MAFF: variants seen among roughly 807,000 people sequenced by gnomAD.
MAFF encodes transcription factor MafF.
MAFF carries 4 observed loss-of-function variants against 2.7 expected under a neutral mutation model. That is an observed-to-expected ratio of 1.48 (90% CI 0.73 to 3.39). The LOEUF (loss-of-function observed/expected upper bound fraction) is 3.39. MAFF is among the 30% of genes most tolerant of loss of function. MAFF has a pLI of 0.01. For missense variants in MAFF, 190 were observed against 246.6 expected, an observed-to-expected ratio of 0.77 and a Z score of 1.54; for synonymous variants, 113 against 119.4, an observed-to-expected ratio of 0.95 and a Z score of 0.35.
intron 1 of MAFF, among the ~76,000 whole-genome samples, chr22:38,206,016 G>A (rs993530352): frequency 4.6e-5 from 7 of 152,132 alleles, no homozygotes; most frequent in South Asian, 4.1e-4. Context: ...GCTGAGGCTC[G>A]GACAGGAGGG....
chr22:38,207,532 C>A (rs574094364), intron 1 of MAFF, among the ~76,000 whole-genome samples: 2 of 144,400 alleles, frequency 1.4e-5, no homozygotes, highest in Non-Finnish European at 3.0e-5. Context: ...GCTCCATCTC[C>A]GGGTTCACGC....
In MAFF at chr22:38,207,366, C is replaced by A. The variant is rs948785952; in HGVS notation, c.-32+5154C>A. The stretch of plus-strand genomic sequence containing the variant: ...TCAGTCTCCTGACCTCATGATCCGC[C>A]CACCTCGGCCTCCCAAAGTGCTGGG... On this transcript the variant is annotated intron_variant, in intron 1 of 2. Transcript: ENST00000338483. 5.0e-4 allele frequency among the ~76,000 whole-genome samples: 76 copies of A among 151,072 alleles called. 2 individuals are homozygous for A. The highest frequency in any genetic ancestry group is 1.3e-4 in the Admixed American group (2 of 15,098).
Position 38,214,937 on chromosome 22 carries a change from G to T in MAFF, c.*59G>T. 7.8e-7 allele frequency: 1 copy of T among 1,286,136 alleles called. No homozygotes were observed. The highest frequency in any genetic ancestry group is 1.1e-6 in the Non-Finnish European group (1 of 919,520). 79.7% of individuals were successfully genotyped at this position (1,286,136 alleles called of 1,614,324 possible). On this transcript the variant is annotated 3_prime_UTR_variant, in exon 3 of 3. Transcript: ENST00000338483. The surrounding 1 kb of genome is among the most constrained non-coding windows in gnomAD (Gnocchi z 6.3). Reference sequence around the variant, plus strand: ...CCGGCCTCAGCTCCCTCCCCAAAGTGCCTGAGCGCCGCCTCTGTGCCCAGG... The same window carrying T: ...CCGGCCTCAGCTCCCTCCCCAAAGTTCCTGAGCGCCGCCTCTGTGCCCAGG...
At chr22:38,211,230 C>CTTTTTTTTTTTTTTTTT (rs61328776) in intron 1 of MAFF, among the ~76,000 whole-genome samples, 3 of 139,972 alleles carry the variant, frequency 2.1e-5, no homozygotes, top group African/African-American at 8.0e-5. Context: ...GGAGCACTTT[C>CTTTTTTTTTTTTTTTTT]TTTTTTTTTT....
At chr22:38,211,085 C>T (rs1000659085) in intron 1 of MAFF, among the ~76,000 whole-genome samples, 4 of 151,742 alleles carry the variant, frequency 2.6e-5, no homozygotes, top group Admixed American at 1.3e-4. Flanking sequence ...AAAACAAAAA[C>T]GCCAGCAGAG....
intron 1 of MAFF, among the ~76,000 whole-genome samples, chr22:38,210,086 GGT>G (rs1319571617): frequency 3.3e-5 from 5 of 152,146 alleles, no homozygotes; most frequent in Non-Finnish European, 7.3e-5. Context: ...AGCAGTGGGG[GGT>G]CGCAGCTCAG....
At chr22:38,207,423 CTTTTTTTTTTTTTT>C (rs71195092) in intron 1 of MAFF, among the ~76,000 whole-genome samples, 6 of 78,350 alleles carry the variant, frequency 7.7e-5, no homozygotes, top group Admixed American at 1.9e-4. Context: ...GCTTGGCCAT[CTTTTTTTTTTTTTT>C]TTTTTTTTTT....
Position 38,214,915 on chromosome 22 carries a change from G to T in MAFF, c.*37G>T. 1 of 1,457,988 alleles carries T rather than the reference G, an allele frequency of 6.9e-7. No homozygotes were observed. Among genetic ancestry groups the T allele is most frequent in the Non-Finnish European group, 9.3e-7 (1 of 1,072,784 alleles). The allele number at this position is 1,457,988 out of a possible 1,614,324, so 90.3% of individuals were successfully genotyped here. On this transcript the variant is annotated 3_prime_UTR_variant, in exon 3 of 3. Coordinates refer to ENST00000338483, the MANE Select transcript of MAFF (RefSeq NM_012323.4). The surrounding 1 kb of genome is among the most constrained non-coding windows in gnomAD (Gnocchi z 6.3). The stretch of plus-strand genomic sequence containing the variant: ...GCCATGCCTCAGCCACGCCCCTCCG[G>T]CCTCAGCTCCCTCCCCAAAGTGCCT...
Position 38,214,817 on chromosome 22 carries a change from G to A in MAFF, c.434G>A (p.Gly145Asp), listed in dbSNP as rs2091132759. 7.4e-6 allele frequency: 11 copies of A among 1,490,436 alleles called. No individual in the cohort carries two copies. Among genetic ancestry groups the A allele is most frequent in the Non-Finnish European group, 9.8e-6 (11 of 1,125,382 alleles). 92.3% of individuals were successfully genotyped at this position (1,490,436 alleles called of 1,614,324 possible). A position where few individuals can be genotyped will look rare whatever the true frequency, so the allele number is the denominator to read the frequency against. ...SVITIVKSTPGSGSGPAHGPD... is the reference protein window; with the variant it reads ...SVITIVKSTPDSGSGPAHGPD... ...ATCACCATCGTCAAGTCCACCCCGG[G>A]CTCGGGGTCTGGCCCCGCCCACGGC... The change falls in exon 3 of 3, where the codon GGC becomes GAC. Residue 145 changes from glycine to aspartate, a missense_variant. Coordinates refer to ENST00000338483, the MANE Select transcript of MAFF (RefSeq NM_012323.4). The surrounding 1 kb of genome is among the most constrained non-coding windows in gnomAD (Gnocchi z 6.3).
intron 1 of MAFF, chr22:38,205,322 G>C (rs1003219685): frequency 5.3e-5 from 8 of 152,272 alleles, no homozygotes; most frequent in African/African-American, 1.9e-4. Context: ...CCAGGCCGTT[G>C]CTTCTCTGTG....
At chr22:38,213,293 A>G (rs1300964150) in intron 1 of MAFF, among the ~76,000 whole-genome samples, 1 of 152,112 alleles carries the variant, frequency 6.6e-6, no homozygotes, top group African/African-American at 2.4e-5. Context: ...GGAGAGGCAC[A>G]TCTATTCATT....
intron 1 of MAFF, among the ~76,000 whole-genome samples, chr22:38,210,723 C>G (rs1027919361): frequency 6.6e-6 from 1 of 150,556 alleles, no homozygotes; most frequent in Non-Finnish European, 1.5e-5. Context: ...GAAGAGACCT[C>G]AGGAGGTGAT....
Position 38,214,473 on chromosome 22 carries a change from G to A in MAFF, c.90G>A (p.Met30Ile). 9.9e-6 allele frequency: 16 copies of A among 1,609,736 alleles called. No individual in the cohort carries two copies. The highest frequency in any genetic ancestry group is 1.3e-5 in the Non-Finnish European group (15 of 1,179,124). Residue 30 changes from methionine (M) to isoleucine (I), a missense_variant, in exon 3 of 3, where the codon ATG (methionine) becomes ATA (isoleucine). Met to Ile is a conservative substitution (Grantham distance 10). Around this residue, in one of 2 missense-constraint regions of MAFF, gnomAD observed 87 missense variants for 143.6 expected, o/e 0.61. Coordinates refer to ENST00000338483, the MANE Select transcript of MAFF (RefSeq NM_012323.4). This position sits in a 1 kb window ranked among gnomAD's most constrained non-coding sequence, Gnocchi z 6.3. The stretch of plus-strand genomic sequence containing the variant: ...CGCACCTGTCGGACGAGGCGCTGAT[G>A]GGGCTGTCGGTGCGCGAGCTGAACC... ...NTPHLSDEAL[M>I]GLSVRELNRH...
chr22:38,214,522 G>A lies in MAFF; in HGVS notation c.139G>A (p.Glu47Lys). The stretch of plus-strand genomic sequence containing the variant: ...CCGGCATCTGCGCGGGCTCTCCGCC[G>A]AGGAGGTGACACGGCTCAAGCAGCG... ...LNRHLRGLSAEEVTRLKQRRR... is the reference protein window; with the variant it reads ...LNRHLRGLSAKEVTRLKQRRR... Residue 47 changes from glutamate to lysine, a missense_variant, in exon 3 of 3, where the codon GAG becomes AAG. By Grantham distance (56) the Glu-to-Lys change is moderately conservative. Around this residue, in one of 2 missense-constraint regions of MAFF, gnomAD observed 87 missense variants for 143.6 expected, o/e 0.61. Transcript: ENST00000338483. The surrounding 1 kb of genome is among the most constrained non-coding windows in gnomAD (Gnocchi z 6.3). The A allele has an allele frequency of 6.2e-7, 1 of 1,610,538 alleles. No individual in the cohort carries two copies. Among genetic ancestry groups the A allele is most frequent in the Non-Finnish European group, 8.5e-7 (1 of 1,179,624 alleles).
At chr22:38,208,618 G>A (rs760954645) in intron 1 of MAFF, among the ~76,000 whole-genome samples, 1 of 152,206 alleles carries the variant, frequency 6.6e-6, no homozygotes, top group Non-Finnish European at 1.5e-5. Flanking sequence ...CCCAGTGCCT[G>A]CTCCCTGCCA....
intron 1 of MAFF, among the ~76,000 whole-genome samples, chr22:38,206,416 A>G (rs1338425177): frequency 1.4e-5 from 2 of 144,222 alleles, no homozygotes; most frequent in Non-Finnish European, 3.0e-5. Flanking sequence ...TTCTCAGCTC[A>G]CTGAAACCTC....
rs1438495582 is a variant in MAFF at position 38,214,894 on chromosome 22, T to C, written c.*16T>C. On this transcript the variant is annotated 3_prime_UTR_variant, in exon 3 of 3. Transcript: ENST00000338483. The surrounding 1 kb of genome is among the most constrained non-coding windows in gnomAD (Gnocchi z 6.3). ...CTGCTCCTAGTGCCCGCCCCCGCCA[T>C]GCCTCAGCCACGCCCCTCCGGCCTC... 6.7e-6 allele frequency: 10 copies of C among 1,488,712 alleles called. No individual in the cohort carries two copies. The Admixed American group carries it at 1.5e-4, about 22-fold the overall frequency. 92.2% of individuals were successfully genotyped at this position (1,488,712 alleles called of 1,614,324 possible). A position where few individuals can be genotyped will look rare whatever the true frequency, so the allele number is the denominator to read the frequency against.
chr22:38,207,592 A>C, intron 1 of MAFF, among the ~76,000 whole-genome samples: 2 of 146,416 alleles, frequency 1.4e-5, no homozygotes, highest in Non-Finnish European at 3.0e-5. Context: ...GGCGCCCACC[A>C]CCACACCCGG....
chr22:38,212,067 T>C (rs897903802), intron 1 of MAFF, among the ~76,000 whole-genome samples: 1 of 152,162 alleles, frequency 6.6e-6, no homozygotes, highest in African/African-American at 2.4e-5. Flanking sequence ...TGGCGCAATC[T>C]CGGCTCACTG....
Sources: gnomAD v4.1 joint callset for allele counts (sites outside exome capture counted in the v4.1 genomes callset) on GRCh38, gnomAD v4.1.1 for gene constraint, gnomAD v4.1.1 regional missense constraint, Gnocchi (gnomAD v3.1) non-coding constraint, MANE v1.5 for transcripts, NCBI Gene and HGNC (gene_info 2026-07-23, HGNC 2026-07-21) for gene names.